SLC12A8: variants seen among roughly 807,000 people sequenced by gnomAD.
SLC12A8 encodes the protein cation-chloride cotransporter 9.
SLC12A8 carries 69 observed loss-of-function variants against 75.6 expected under a neutral mutation model. The ratio of observed to expected loss-of-function variants is 0.91; its 90% CI spans 0.75 to 1.11. SLC12A8 has a LOEUF of 1.11. Among genes scored for constraint, SLC12A8 ranks in the 50% most tolerant of loss-of-function variants. The pLI is 0.00. For missense variants in SLC12A8, 877 were observed against 896.7 expected, an observed-to-expected ratio of 0.98 and a Z score of 0.28; for synonymous variants, 365 against 372.8, an observed-to-expected ratio of 0.98 and a Z score of 0.24.
At chr3:125,198,222 A>G (rs1297693746) in intron 2 of SLC12A8, among the ~76,000 whole-genome samples, 1 of 150,564 alleles carries the variant, frequency 6.6e-6, no homozygotes, top group African/African-American at 2.4e-5. Context: ...AGAAAACCTG[A>G]GGACATTCTA....
intron 5 of SLC12A8, among the ~76,000 whole-genome samples, chr3:125,143,997 C>T (rs952804423): frequency 5.3e-5 from 8 of 152,212 alleles, no homozygotes; most frequent in African/African-American, 1.9e-4. Flanking sequence ...TCTGCTAACA[C>T]GGGCTCTATT....
At chr3:125,154,864 G>C (rs978973637) in intron 5 of SLC12A8, 7 of 152,174 alleles carry the variant, frequency 4.6e-5, no homozygotes, top group Non-Finnish European at 8.8e-5. Flanking sequence ...ACGCCTACGT[G>C]ACGAGAAGTG....
In SLC12A8 at chr3:125,107,886, G is replaced by A; in HGVS notation, c.1300C>T (p.Leu434Phe). 1 of 1,614,200 alleles carries A rather than the reference G, an allele frequency of 6.2e-7. No homozygotes were observed. The highest frequency in any genetic ancestry group is 8.5e-7 in the Non-Finnish European group (1 of 1,180,032). The change falls in exon 10 of 14, where the codon CTC becomes TTC. Residue 434 changes from leucine (L) to phenylalanine (F), a missense_variant. Leu to Phe is a conservative substitution (Grantham distance 22). Coordinates refer to ENST00000469902, the MANE Select transcript of SLC12A8 (RefSeq NM_024628.6). ...CCGTAACTGGGAGCTTTCTCTAAGA[G>A]CAGGTGCTCAGAGCAGTGGAGGCCT... ...AEGLHCSEHL[L>F]LEKAPSYGSE...
intron 10 of SLC12A8, among the ~76,000 whole-genome samples, chr3:125,099,146 AGCAGAGCCTTAAGGGCTAT>A (rs572779034): frequency 0.025 from 3,810 of 152,228 alleles, 132 homozygotes; most frequent in African/African-American, 0.078. Flanking sequence ...ACTGGCAGAG[AGCAGAGCCTTAAGGGCTAT>A]GCAGAGCCTT....
intron 5 of SLC12A8, among the ~76,000 whole-genome samples, chr3:125,148,599 A>G (rs1346509790): frequency 6.6e-6 from 1 of 151,630 alleles, no homozygotes; most frequent in Non-Finnish European, 1.5e-5. Context: ...AGGAGGCGGC[A>G]CTCTCCTGCC....
intron 5 of SLC12A8, among the ~76,000 whole-genome samples, chr3:125,139,823 G>A (rs535031141): frequency 6.6e-6 from 1 of 152,192 alleles, no homozygotes; most frequent in Non-Finnish European, 1.5e-5. Context: ...CAGAACAAAG[G>A]TTCCTAATTC....
At chr3:125,210,401 A>G (rs1935313350) in intron 2 of SLC12A8, among the ~76,000 whole-genome samples, 2 of 152,222 alleles carry the variant, frequency 1.3e-5, no homozygotes, top group Non-Finnish European at 2.9e-5. Flanking sequence ...GTCAGACTGT[A>G]TAGGGCTGAG....
intron 12 of SLC12A8, among the ~76,000 whole-genome samples, chr3:125,089,085 T>A (rs1297676581): frequency 1.3e-5 from 2 of 152,228 alleles, no homozygotes; most frequent in African/African-American, 2.4e-5. Context: ...AAATTATACA[T>A]ACATATGATT....
chr3:125,208,850 T>G (rs1935283563), intron 2 of SLC12A8, among the ~76,000 whole-genome samples: 1 of 139,648 alleles, frequency 7.2e-6, no homozygotes, highest in African/African-American at 2.7e-5. Context: ...CCTAAAATGA[T>G]TAAAGCCAAA....
In SLC12A8 at chr3:125,171,149, A is replaced by T. The variant is rs537754819; in HGVS notation, c.622+6594T>A. ...GTATTTATAACTGTTTTCTGATTTT[A>T]AAATTAACTATTGTGGTTTTTAAAT... On this transcript the variant is annotated intron_variant, in intron 5 of 13. Coordinates refer to ENST00000469902, the MANE Select transcript of SLC12A8 (RefSeq NM_024628.6). Among the ~76,000 whole-genome samples the T allele has an allele frequency of 4.0e-3, 606 of 152,360 alleles. 1 individual carries two copies. The highest frequency in any genetic ancestry group is 6.8e-3 in the Middle Eastern group (2 of 294).
At chr3:125,126,574 C>A (rs571343131) in intron 6 of SLC12A8, among the ~76,000 whole-genome samples, 42 of 152,172 alleles carry the variant, frequency 2.8e-4, no homozygotes, top group Non-Finnish European at 5.9e-4. Flanking sequence ...ACCACAAGCC[C>A]GTTTCCCACC....
At chr3:125,135,550 C>A in intron 6 of SLC12A8, 119 bp downstream of exon 6, 1 of 540,930 alleles carries the variant, frequency 1.8e-6, no homozygotes, top group African/African-American at 1.9e-5. Context: ...AAGCTAAGCC[C>A]ATATCTAAAG....
rs537081847 is a variant in SLC12A8 at position 125,199,996 on chromosome 3, G to A, written c.52-9475C>T. ...CTGAGGTATAAGAATATTATTTAAA[G>A]TTACAGTGAGAACAATTAGAAGACA... is the stretch of plus-strand genomic sequence containing the variant. On this transcript the variant is annotated intron_variant, in intron 2 of 13. Transcript: ENST00000469902. 2.2e-3 allele frequency among the ~76,000 whole-genome samples: 338 copies of A among 152,222 alleles called. 1 individual carries two copies. Among genetic ancestry groups the A allele is most frequent in the Middle Eastern group, 6.8e-3 (2 of 294 alleles).
intron 5 of SLC12A8, among the ~76,000 whole-genome samples, chr3:125,174,170 A>G (rs1934471746): frequency 6.6e-6 from 1 of 152,236 alleles, no homozygotes; most frequent in Admixed American, 6.5e-5. Flanking sequence ...AGGGCAAAAG[A>G]TCTTGACAAA....
At position 125,083,939 on chromosome 3, in the gene SLC12A8, T is replaced by C; in HGVS notation, c.2096A>G (p.Tyr699Cys). ...CCGGTTCACGAGGGAGGAGTGGTGG[T>C]AGCGATCCCGAGTGGCGAAGTCTGC... ...ENADFATRDRYHHSSLVNREQ... is the reference protein window; with the variant it reads ...ENADFATRDRCHHSSLVNREQ... The change falls in exon 14 of 14, where the codon TAC becomes TGC. Residue 699 changes from tyrosine to cysteine, a missense_variant. Physicochemically the swap from Tyr to Cys is radical, Grantham distance 194. Coordinates refer to ENST00000469902, the MANE Select transcript of SLC12A8 (RefSeq NM_024628.6). The C allele has an allele frequency of 6.2e-7, 1 of 1,613,568 alleles. No homozygotes were observed. Among genetic ancestry groups the C allele is most frequent in the Non-Finnish European group, 8.5e-7 (1 of 1,179,866 alleles).
chr3:125,172,274 T>TAAA (rs34741672), intron 5 of SLC12A8, among the ~76,000 whole-genome samples: 87,860 of 145,440 alleles, frequency 0.6, 26,811 homozygotes, highest in East Asian at 0.82. Context: ...AACTCCTTCT[T>TAAA]AAAAAAAAAA....
At chr3:125,132,596 A>G (rs1056180941) in intron 6 of SLC12A8, among the ~76,000 whole-genome samples, 1 of 152,214 alleles carries the variant, frequency 6.6e-6, no homozygotes, top group Non-Finnish European at 1.5e-5. Context: ...GGAGTACAGG[A>G]GGAGGACAAG....
At chr3:125,201,925 T>TC (rs970569491) in intron 2 of SLC12A8, among the ~76,000 whole-genome samples, 5 of 151,694 alleles carry the variant, frequency 3.3e-5, no homozygotes, top group Admixed American at 6.6e-5. Context: ...TAATTTTTTT[T>TC]GAGATGGAGT....
At chr3:125,085,780 T>C (rs1938443883) in intron 13 of SLC12A8, among the ~76,000 whole-genome samples, 1 of 152,144 alleles carries the variant, frequency 6.6e-6, no homozygotes, top group Admixed American at 6.5e-5. Flanking sequence ...TTTTGCCATG[T>C]TGCCGAGGCT....
Sources: gnomAD v4.1 joint callset for allele counts (sites outside exome capture counted in the v4.1 genomes callset) on GRCh38, gnomAD v4.1.1 for gene constraint, MANE v1.5 for transcripts, NCBI Gene and HGNC (gene_info 2026-07-23, HGNC 2026-07-21) for gene names.